Variants in FBXL2 observed in about 807,000 individuals in gnomAD.
The protein encoded by FBXL2 is F-box and leucine rich repeat protein 2.
In FBXL2, 38 loss-of-function variants were observed where a neutral mutation model predicts 69.2. That is an observed-to-expected ratio of 0.55 (90% CI 0.42 to 0.72). The LOEUF (loss-of-function observed/expected upper bound fraction) is 0.72. Among genes scored for constraint, FBXL2 ranks in the 30% least tolerant of loss-of-function variants. The pLI is 0.00. For missense variants in FBXL2, 354 were observed against 520.3 expected (o/e 0.68, Z 3.11); for synonymous variants, 192 against 201.3 (o/e 0.95, Z 0.39).
In FBXL2 at chr3:33,289,135, C is replaced by T. The variant is rs145431512; in HGVS notation, c.4-8529C>T. 4.1e-4 allele frequency among the ~76,000 whole-genome samples: 63 copies of T among 152,134 alleles called. 2 individuals are homozygous for T. In the East Asian group the frequency reaches 7.3e-3, roughly 18 times the overall value. On this transcript the variant is annotated intron_variant, in intron 1 of 14. Transcript: ENST00000484457. ...AGACTTCGAGTTTATCTAGTACAGTCGTTTCCTTTTACAAGCTAGTAATAC... is the reference window on the plus strand; with the variant it reads ...AGACTTCGAGTTTATCTAGTACAGTTGTTTCCTTTTACAAGCTAGTAATAC...
chr3:33,344,664 C>A (rs1164511850), intron 2 of FBXL2, among the ~76,000 whole-genome samples: 1 of 151,844 alleles, frequency 6.6e-6, no homozygotes, highest in Non-Finnish European at 1.5e-5. Context: ...ACTTGAGCAT[C>A]AATTGGAAGG....
intron 13 of FBXL2, among the ~76,000 whole-genome samples, chr3:33,382,206 T>C (rs1002052400): frequency 6.6e-6 from 1 of 152,246 alleles, no homozygotes; most frequent in African/African-American, 2.4e-5. Flanking sequence ...CTCTAAACTG[T>C]ATCCACTTTC....
intron 11 of FBXL2, 31 bp from the exon 12 acceptor site, chr3:33,378,072 C>T (rs536732152): frequency 6.2e-7 from 1 of 1,611,714 alleles, no homozygotes; most frequent in South Asian, 1.1e-5. Flanking sequence ...CACTGACTCA[C>T]ATGTGGGGTG....
chr3:33,390,676 G>A (rs1575441092), downstream of FBXL2: 1 of 372,074 alleles, frequency 2.7e-6, no homozygotes, highest in East Asian at 4.6e-5. Flanking sequence ...TGTCCATAAG[G>A]GGAGCAAGAG....
At chr3:33,361,149 G>A (rs2041600497) in intron 4 of FBXL2, among the ~76,000 whole-genome samples, 1 of 132,532 alleles carries the variant, frequency 7.5e-6, no homozygotes, top group Non-Finnish European at 1.6e-5. Context: ...GTTTCACCAT[G>A]TTAGTCAGGA....
intron 1 of FBXL2, among the ~76,000 whole-genome samples, chr3:33,277,745 GC>G (rs1229722731): frequency 6.6e-6 from 1 of 152,122 alleles, no homozygotes; most frequent in East Asian, 1.9e-4. Flanking sequence ...AGCGTTCCCT[GC>G]CGCTGGAGTC....
At chr3:33,330,913 A>G (rs181630562) in intron 2 of FBXL2, among the ~76,000 whole-genome samples, 1 of 148,070 alleles carries the variant, frequency 6.8e-6, no homozygotes, top group Admixed American at 6.9e-5. Flanking sequence ...ACACACACAC[A>G]AACACACACA....
At chr3:33,412,650 C>T in the FBXL2 span, 5 of 1,004,828 alleles carry the variant, frequency 5.0e-6, no homozygotes, top group East Asian at 7.2e-5. Context: ...ATTCATGATG[C>T]CAACACAACA....
At chr3:33,297,302 A>G (rs1351769021) in intron 1 of FBXL2, among the ~76,000 whole-genome samples, 1 of 152,004 alleles carries the variant, frequency 6.6e-6, no homozygotes, top group Non-Finnish European at 1.5e-5. Flanking sequence ...GTTCTAATTG[A>G]TTTTTGTGCA....
chr3:33,331,999 G>A (rs1029672490), intron 2 of FBXL2, among the ~76,000 whole-genome samples: 1 of 152,092 alleles, frequency 6.6e-6, no homozygotes. Context: ...TGAAACAATA[G>A]TGGCTGCAAT....
At chr3:33,299,338 G>A (rs922888438) in intron 2 of FBXL2, among the ~76,000 whole-genome samples, 8 of 152,140 alleles carry the variant, frequency 5.3e-5, no homozygotes, top group African/African-American at 1.7e-4. Flanking sequence ...CACTGCGCCC[G>A]GCCGGAATCC....
At position 33,363,551 on chromosome 3, in the gene FBXL2, C is replaced by G. The variant is rs548865503; in HGVS notation, c.196-1074C>G. Among the ~76,000 whole-genome samples, 362 of 152,298 alleles carry G rather than the reference C, an allele frequency of 2.4e-3. 1 individual carries two copies. Among genetic ancestry groups the G allele is most frequent in the Non-Finnish European group, 4.3e-3 (290 of 68,024 alleles). ...GTATTCCTTTGCCTTCAGCAAGCAC[C>G]TCAGCTGGTGATGGTTCTTTACCTG... On this transcript the variant is annotated intron_variant, in intron 4 of 14. Transcript: ENST00000484457.
chr3:33,408,881 C>T, the FBXL2 span: 5 of 1,210,964 alleles, frequency 4.1e-6, no homozygotes, highest in East Asian at 2.4e-5. Flanking sequence ...CTCTTCAGTC[C>T]AATTAAACAA....
At chr3:33,373,481 C>A in intron 7 of FBXL2, 97 bp from the exon 8 acceptor site, 1 of 1,576,292 alleles carries the variant, frequency 6.3e-7, no homozygotes, top group Admixed American at 1.7e-5. Flanking sequence ...GGCATGGTCT[C>A]CCCTTCGGAA....
chr3:33,396,625 G>A (rs576314187), intron 12 of FBXL2: 4 of 401,036 alleles, frequency 1.0e-5, no homozygotes, highest in African/African-American at 8.1e-5. Flanking sequence ...ATAGTAAATG[G>A]TTCTTACAAG....
chr3:33,312,113 A>G (rs1011948737), intron 2 of FBXL2, among the ~76,000 whole-genome samples: 5 of 151,904 alleles, frequency 3.3e-5, no homozygotes, highest in Non-Finnish European at 1.5e-5. Flanking sequence ...CTGGAGTGCA[A>G]TGGTGCAATC....
chr3:33,396,804 T>C (rs1248381790), intron 12 of FBXL2: 2 of 657,658 alleles, frequency 3.0e-6, no homozygotes, highest in Non-Finnish European at 5.6e-6. Flanking sequence ...AAATCAGTAC[T>C]GCCCATGTGC....
chr3:33,298,937 C>T (rs2036000283), intron 2 of FBXL2, among the ~76,000 whole-genome samples: 2 of 151,762 alleles, frequency 1.3e-5, no homozygotes, highest in Non-Finnish European at 2.9e-5. Context: ...TTCACAGGGC[C>T]TTAATAGGCT....
At chr3:33,392,662 G>A (rs758205649), downstream of FBXL2, 19 of 1,524,506 alleles carry the variant, frequency 1.2e-5, no homozygotes, top group Admixed American at 1.7e-4. Flanking sequence ...TCCAACTGTC[G>A]TTTCTTAAAA....
Sources: allele counts gnomAD v4.1 joint callset (sites outside exome capture counted in the v4.1 genomes callset), GRCh38; gene constraint gnomAD v4.1.1; transcripts MANE v1.5; gene names NCBI Gene and HGNC (gene_info 2026-07-23, HGNC 2026-07-21).